The following MPRIP variants were observed in gnomAD, a reference collection of about 807,000 sequenced individuals.
MPRIP encodes myosin phosphatase Rho-interacting protein.
MPRIP carries 59 observed loss-of-function variants against 234.9 expected under a neutral mutation model. The ratio of observed to expected loss-of-function variants is 0.25; its 90% CI spans 0.20 to 0.31. MPRIP has a LOEUF of 0.31. Among genes scored for constraint, MPRIP ranks in the 10% least tolerant of loss-of-function variants. MPRIP has a pLI of 1.00. For synonymous variants in MPRIP, 1,144 were observed against 1,263.9 expected, an observed-to-expected ratio of 0.91 and a Z score of 2.01; for missense variants, 2,436 against 3,071.0, an observed-to-expected ratio of 0.79 and a Z score of 4.89.
intron 1 of MPRIP, among the ~76,000 whole-genome samples, chr17:17,050,921 C>T (rs1419162006): frequency 1.3e-5 from 2 of 152,134 alleles, no homozygotes; most frequent in East Asian, 3.9e-4. Flanking sequence ...GCTTTTTTCC[C>T]TGGGTTCTAG....
Position 17,185,118 on chromosome 17 carries a change from A to G in MPRIP, c.*224A>G. The stretch of plus-strand genomic sequence containing the variant: ...CTTCATCAAAGCTTTTTTCCGTGGT[A>G]TTCTAAAATTAGGCCAGCAGTGGGG... On this transcript the variant is annotated 3_prime_UTR_variant, in exon 24 of 24. Coordinates refer to ENST00000651222, the MANE Select transcript of MPRIP (RefSeq NM_001364716.4). 2 of 406,266 alleles carry G rather than the reference A, an allele frequency of 4.9e-6. No individual in the cohort carries two copies. The highest frequency in any genetic ancestry group is 2.4e-5 in the South Asian group (1 of 42,548). The allele number at this position is 406,266 out of a possible 1,614,324, so 25.2% of individuals were successfully genotyped here.
chr17:17,129,332 G>C (rs1188561311), intron 4 of MPRIP, among the ~76,000 whole-genome samples: 4 of 152,040 alleles, frequency 2.6e-5, no homozygotes, highest in African/African-American at 9.7e-5. Context: ...GTCCCTATCC[G>C]GGGAGCCCCA....
rs551440955 is a variant in MPRIP at position 17,091,978 on chromosome 17, G to T, written c.267+13902G>T. Among the ~76,000 whole-genome samples the T allele has an allele frequency of 2.0e-5, 3 of 152,352 alleles. No individual in the cohort carries two copies. In the East Asian group the frequency reaches 5.8e-4, roughly 29 times the overall value. ...TGAATATTGTTGCAAATGGACTTGT[G>T]CTCTTTTTGGGTGATGCTATGGCGA... On this transcript the variant is annotated intron_variant, in intron 3 of 23. Coordinates refer to ENST00000651222, the MANE Select transcript of MPRIP (RefSeq NM_001364716.4).
chr17:17,184,978 TTTATTA>T lies in MPRIP; in HGVS notation c.*99_*104del, dbSNP rs140443601. ...CGCTGCTTTTCACCTGTACCTTTGT[TTTATTA>T]TTATTATTATTATTGCTGTTGTTGT... On this transcript the variant is annotated 3_prime_UTR_variant, in exon 24 of 24. Coordinates refer to ENST00000651222, the MANE Select transcript of MPRIP (RefSeq NM_001364716.4). The T allele has an allele frequency of 1.3e-5, 11 of 852,150 alleles. No homozygotes were observed. The highest frequency in any genetic ancestry group is 2.6e-5 in the East Asian group (1 of 39,044). 52.8% of individuals were successfully genotyped at this position (852,150 alleles called of 1,614,324 possible).
intron 22 of MPRIP, among the ~76,000 whole-genome samples, chr17:17,179,339 C>T (rs906514463): frequency 3.3e-5 from 5 of 150,512 alleles, no homozygotes; most frequent in African/African-American, 1.2e-4. Context: ...CCCAGCTACT[C>T]GGGAGGCTGA....
chr17:17,170,208 T>A (rs1044115878), intron 16 of MPRIP: 78 of 148,158 alleles, frequency 5.3e-4, no homozygotes, highest in Middle Eastern at 3.6e-3. Flanking sequence ...TTTTTTTTTT[T>A]AATTAAAAAA....
intron 6 of MPRIP, 60 bp from the exon 7 acceptor site, chr17:17,137,856 C>T (rs1410947886): frequency 1.2e-5 from 18 of 1,469,252 alleles, no homozygotes; most frequent in African/African-American, 1.0e-4. Context: ...AAAAAAAAGT[C>T]CTCAAAGCAA....
At chr17:17,148,575 A>C (rs1032108685) in intron 11 of MPRIP, among the ~76,000 whole-genome samples, 13 of 152,344 alleles carry the variant, frequency 8.5e-5, no homozygotes, top group African/African-American at 3.1e-4. Flanking sequence ...ATGAAGCCTC[A>C]ATCTTTAAAT....
At chr17:17,181,274 C>T (rs1381915774) in intron 23 of MPRIP, among the ~76,000 whole-genome samples, 1 of 152,124 alleles carries the variant, frequency 6.6e-6, no homozygotes, top group African/African-American at 2.4e-5. Flanking sequence ...GGGGAGGGCC[C>T]ATGGTGGGAG....
intron 3 of MPRIP, among the ~76,000 whole-genome samples, chr17:17,114,603 C>A (rs556534871): frequency 6.6e-6 from 1 of 152,170 alleles, no homozygotes; most frequent in Non-Finnish European, 1.5e-5. Context: ...TAGTGTCACC[C>A]TTGGTTGGTG....
chr17:17,135,215 G>A (rs1297328501), intron 5 of MPRIP, among the ~76,000 whole-genome samples: 5 of 152,242 alleles, frequency 3.3e-5, no homozygotes, highest in Admixed American at 2.6e-4. Flanking sequence ...GCAGAGTCAA[G>A]TTAGGGTTCT....
intron 1 of MPRIP, among the ~76,000 whole-genome samples, chr17:17,054,643 A>G (rs762088252): frequency 2.0e-5 from 3 of 151,984 alleles, no homozygotes; most frequent in Non-Finnish European, 4.4e-5. Context: ...AACTCCACAC[A>G]GGCAGTGGGT....
intron 3 of MPRIP, among the ~76,000 whole-genome samples, chr17:17,123,265 A>C (rs1032864893): frequency 1.3e-5 from 2 of 152,222 alleles, no homozygotes; most frequent in Non-Finnish European, 1.5e-5. Context: ...AATGTTCTGC[A>C]CTTGATTGCA....
chr17:17,057,944 T>C (rs1030142138), intron 1 of MPRIP: 1 of 472,728 alleles, frequency 2.1e-6, no homozygotes. Flanking sequence ...AAATGAATGC[T>C]CGTGAACCTG....
chr17:17,065,511 C>G (rs1471220934), intron 1 of MPRIP, among the ~76,000 whole-genome samples: 1 of 151,536 alleles, frequency 6.6e-6, no homozygotes, highest in Non-Finnish European at 1.5e-5. Flanking sequence ...TGGTTTATTA[C>G]TAACTACTGT....
intron 5 of MPRIP, among the ~76,000 whole-genome samples, chr17:17,135,157 C>T (rs1003613763): frequency 6.6e-6 from 1 of 152,234 alleles, no homozygotes; most frequent in Non-Finnish European, 1.5e-5. Context: ...CCTGGCACTG[C>T]GGAGCAGCTG....
chr17:17,049,325 G>A (rs2088457055), intron 1 of MPRIP, among the ~76,000 whole-genome samples: 2 of 152,202 alleles, frequency 1.3e-5, no homozygotes, highest in Admixed American at 1.3e-4. Context: ...ACTTCCAAAT[G>A]CTTCTTGACT....
At position 17,174,040 on chromosome 17, in the gene MPRIP, C is replaced by T; in HGVS notation, c.6715C>T (p.Gln2239Ter). ...EAERQALRQCQRENQELNAHN... is the reference protein window; with the variant it reads ...EAERQALRQC ...CGAGCGGCAGGCCCTGCGGCAGTGCCAGCGTGAGAACCAGGAGCTCAATGC... is the reference window on the plus strand; with the variant it reads ...CGAGCGGCAGGCCCTGCGGCAGTGCTAGCGTGAGAACCAGGAGCTCAATGC... Residue 2239 changes from glutamine to a stop codon, truncating the protein, a stop_gained, in exon 19 of 24, where the codon CAG becomes TAG. Coordinates refer to ENST00000651222, the MANE Select transcript of MPRIP (RefSeq NM_001364716.4). LOFTEE classifies it high-confidence loss of function. 1 of 1,613,422 alleles carries T rather than the reference C, an allele frequency of 6.2e-7. No homozygotes were observed. The highest frequency in any genetic ancestry group is 1.1e-5 in the South Asian group (1 of 91,082).
At chr17:17,056,715 CT>C (rs2088710034) in intron 1 of MPRIP, among the ~76,000 whole-genome samples, 1 of 152,124 alleles carries the variant, frequency 6.6e-6, no homozygotes, top group African/African-American at 2.4e-5. Flanking sequence ...ACTGCCACCC[CT>C]CTTCAGTTGA....
Sources: allele counts gnomAD v4.1 joint callset (sites outside exome capture counted in the v4.1 genomes callset), GRCh38; gene constraint gnomAD v4.1.1; transcripts MANE v1.5; gene names NCBI Gene and HGNC (gene_info 2026-07-23, HGNC 2026-07-21).